USP34: variants seen among roughly 807,000 people sequenced by gnomAD.
USP34 encodes the protein ubiquitin carboxyl-terminal hydrolase 34.
USP34 carries 70 observed loss-of-function variants against 460.3 expected under a neutral mutation model. The ratio of observed to expected loss-of-function variants is 0.15; its 90% CI spans 0.13 to 0.19. The LOEUF (loss-of-function observed/expected upper bound fraction) is 0.19, where lower values mean the gene tolerates loss of function less well. Ranked by LOEUF, USP34 falls within the 10% of genes least tolerant of loss-of-function variation. The pLI is 1.00. For missense variants in USP34, 3,985 were observed against 4,236.2 expected (o/e 0.94, Z 1.65); for synonymous variants, 1,647 against 1,405.3 (o/e 1.17, Z -3.85).
chr2:61,378,935 A>AAAAAAAAAAAAAAAAAAAAAC (rs1692885394), intron 7 of USP34, among the ~76,000 whole-genome samples: 1 of 146,114 alleles, frequency 6.8e-6, no homozygotes, highest in Non-Finnish European at 1.5e-5. Flanking sequence ...AAAAAAAAAA[A>AAAAAAAAAAAAAAAAAAAAAC]AACAACACTA....
chr2:61,257,126 C>A lies in USP34; in HGVS notation c.5992-18G>T. On this transcript the variant is annotated intron_variant, in intron 45 of 79. Coordinates refer to ENST00000398571, the MANE Select transcript of USP34 (RefSeq NM_014709.4). Reference sequence around the variant, plus strand: ...GTATTTTTCTTTAATATAAAACAAACAAAAAATAAGAAACTAGTTAAAACG... The same window carrying A: ...GTATTTTTCTTTAATATAAAACAAAAAAAAAATAAGAAACTAGTTAAAACG... 3.2e-6 allele frequency: 5 copies of A among 1,569,888 alleles called. No individual in the cohort carries two copies. The highest frequency in any genetic ancestry group is 4.3e-6 in the Non-Finnish European group (5 of 1,163,994).
chr2:61,432,603 AC>A (rs1345426282), intron 1 of USP34, among the ~76,000 whole-genome samples: 1 of 152,184 alleles, frequency 6.6e-6, no homozygotes, highest in African/African-American at 2.4e-5. Context: ...ACACAGCAAG[AC>A]CCCATCTTTA....
intron 43 of USP34, among the ~76,000 whole-genome samples, chr2:61,264,507 G>A (rs1347971224): frequency 1.3e-5 from 2 of 151,790 alleles, no homozygotes; most frequent in Non-Finnish European, 1.5e-5. Context: ...CAGGCATGGT[G>A]GCATATGCCT....
In USP34 at chr2:61,437,774, A is replaced by AAAATAAATAAATAAATAAATAAAT. The variant is rs61610795; in HGVS notation, c.44-16965_44-16942dup. 2.9e-3 allele frequency among the ~76,000 whole-genome samples: 386 copies of AAAATAAATAAATAAATAAATAAAT among 134,554 alleles called. 1 individual carries two copies. Among genetic ancestry groups the AAAATAAATAAATAAATAAATAAAT allele is most frequent in the East Asian group, 7.9e-3 (36 of 4,544 alleles). 88.3% of individuals were successfully genotyped at this position (134,554 alleles called of 152,430 possible). A position where few individuals can be genotyped will look rare whatever the true frequency, so the allele number is the denominator to read the frequency against. ...GGCAACAGAGCGAGACTCCGTCTCA[A>AAAATAAATAAATAAATAAATAAAT]AAATAAATAAATAAATAAATAAATA... On this transcript the variant is annotated intron_variant, in intron 1 of 79. Coordinates refer to ENST00000398571, the MANE Select transcript of USP34 (RefSeq NM_014709.4).
At position 61,248,175 on chromosome 2, in the gene USP34, C is replaced by T. The variant is rs548867536; in HGVS notation, c.6394+336G>A. ...AGCCTAGGAGACAAAATAAGACTGT[C>T]TCAGAAGACCAAAAAAAAAAAAAAA... On this transcript the variant is annotated intron_variant, in intron 49 of 79. Coordinates refer to ENST00000398571, the MANE Select transcript of USP34 (RefSeq NM_014709.4). Among the ~76,000 whole-genome samples the T allele has an allele frequency of 5.5e-5, 7 of 126,252 alleles. No homozygotes were observed. The East Asian group carries it at 1.3e-3, about 23-fold the overall frequency. 82.8% of individuals were successfully genotyped at this position (126,252 alleles called of 152,430 possible). A position where few individuals can be genotyped will look rare whatever the true frequency, so the allele number is the denominator to read the frequency against.
chr2:61,326,810 G>C (rs956561951), intron 20 of USP34, among the ~76,000 whole-genome samples: 4 of 146,314 alleles, frequency 2.7e-5, no homozygotes, highest in Non-Finnish European at 6.0e-5. Context: ...TGCCGAAACG[G>C]AGTTTCACAC....
At chr2:61,301,184 T>G (rs759969453) in intron 28 of USP34, 24 bp from the exon 29 acceptor site, 15 of 1,576,628 alleles carry the variant, frequency 9.5e-6, no homozygotes, top group South Asian at 1.2e-5. Context: ...GAAAAAAAAT[T>G]TATGCATATC....
At chr2:61,256,033 A>T (rs937896917) in intron 48 of USP34, among the ~76,000 whole-genome samples, 1 of 152,196 alleles carries the variant, frequency 6.6e-6, no homozygotes, top group African/African-American at 2.4e-5. Flanking sequence ...TTTCCCGAGG[A>T]TAAGGGGTTC....
chr2:61,272,759 C>G (rs1689254140), intron 41 of USP34, among the ~76,000 whole-genome samples: 1 of 152,078 alleles, frequency 6.6e-6, no homozygotes, highest in African/African-American at 2.4e-5. Context: ...ACATGAAGAC[C>G]TTTTCAATAA....
intron 1 of USP34, among the ~76,000 whole-genome samples, chr2:61,447,808 TG>T (rs529472592): frequency 1.7e-4 from 26 of 152,266 alleles, no homozygotes; most frequent in Admixed American, 1.0e-3. Context: ...CTCCGCCTAC[TG>T]GGATCAAGCC....
intron 9 of USP34, 27 bp from the exon 10 acceptor site, chr2:61,370,440 T>A: frequency 2.5e-6 from 4 of 1,613,144 alleles, no homozygotes; most frequent in Non-Finnish European, 3.4e-6. Flanking sequence ...TAATATCAAT[T>A]TTTAAAAATA....
At chr2:61,348,588 C>T in intron 14 of USP34, 108 bp from the exon 15 acceptor site, 2 of 1,451,768 alleles carry the variant, frequency 1.4e-6, no homozygotes, top group Non-Finnish European at 1.8e-6. Context: ...TCTTGTTATA[C>T]TCCTTTGAAC....
intron 16 of USP34, among the ~76,000 whole-genome samples, chr2:61,343,078 C>CCCT (rs1691656081): frequency 6.6e-6 from 1 of 152,146 alleles, no homozygotes; most frequent in Non-Finnish European, 1.5e-5. Flanking sequence ...GTGTTTATGG[C>CCCT]CTCTTTGCAT....
intron 52 of USP34, 39 bp from the exon 53 acceptor site, chr2:61,241,694 A>C (rs1415678410): frequency 1.6e-5 from 25 of 1,539,470 alleles, no homozygotes; most frequent in Non-Finnish European, 2.2e-5. Flanking sequence ...TCATTTTGAC[A>C]AAGTATTACT....
At chr2:61,414,613 G>A (rs549233275) in intron 2 of USP34, among the ~76,000 whole-genome samples, 2 of 152,276 alleles carry the variant, frequency 1.3e-5, no homozygotes, top group Admixed American at 6.5e-5. Flanking sequence ...GGTTCTTGGC[G>A]CTTTGAACAA....
chr2:61,437,972 A>G (rs1441233990), intron 1 of USP34, among the ~76,000 whole-genome samples: 2 of 151,988 alleles, frequency 1.3e-5, no homozygotes, highest in Non-Finnish European at 2.9e-5. Context: ...AAAAAATTGA[A>G]GCAAAGTTAA....
intron 43 of USP34, among the ~76,000 whole-genome samples, chr2:61,262,943 A>G (rs1688936627): frequency 6.6e-6 from 1 of 152,020 alleles, no homozygotes; most frequent in Non-Finnish European, 1.5e-5. Flanking sequence ...AGTAATACTG[A>G]GCATTTTTTC....
chr2:61,457,657 G>A (rs1695478139), intron 1 of USP34, among the ~76,000 whole-genome samples: 1 of 152,164 alleles, frequency 6.6e-6, no homozygotes, highest in African/African-American at 2.4e-5. Flanking sequence ...GAGGCCAGAA[G>A]TTCAAGAGCA....
At position 61,310,125 on chromosome 2, in the gene USP34, T is replaced by C. The variant is rs911753358; in HGVS notation, c.3817+1415A>G. Among the ~76,000 whole-genome samples the C allele has an allele frequency of 5.9e-5, 9 of 152,348 alleles. No homozygotes were observed. The East Asian group carries it at 1.5e-3, about 26-fold the overall frequency. On this transcript the variant is annotated intron_variant, in intron 27 of 79. Transcript: ENST00000398571. ...AGGACACAATACTAGCTTCTACTAG[T>C]GTTCTAGTTCTTAATCTGGATGGTA...
Sources: gnomAD v4.1 joint callset for allele counts (sites outside exome capture counted in the v4.1 genomes callset) on GRCh38, gnomAD v4.1.1 for gene constraint, MANE v1.5 for transcripts, NCBI Gene and HGNC (gene_info 2026-07-23, HGNC 2026-07-21) for gene names.